TENM3: variants seen among roughly 807,000 people sequenced by gnomAD.
TENM3 encodes the protein teneurin transmembrane protein 3.
In TENM3, 63 loss-of-function variants were observed where a neutral mutation model predicts 255.1. The ratio of observed to expected loss-of-function variants is 0.25; its 90% CI spans 0.20 to 0.30. The LOEUF (loss-of-function observed/expected upper bound fraction) is 0.30. TENM3 is among the 10% of genes least tolerant of loss of function. The pLI is 1.00. For synonymous variants in TENM3, 1,306 were observed against 1,322.3 expected, an observed-to-expected ratio of 0.99 and a Z score of 0.27; for missense variants, 2,929 against 3,461.1, an observed-to-expected ratio of 0.85 and a Z score of 3.86.
chr4:181,593,093 G>A, the TENM3 span, among the ~76,000 whole-genome samples: 2 of 152,266 alleles, frequency 1.3e-5, no homozygotes, highest in East Asian at 1.9e-4. Flanking sequence ...TCTTCCATCA[G>A]TTGGCTTTCA....
chr4:182,291,358 A>G (rs1761111702), intron 1 of TENM3, among the ~76,000 whole-genome samples: 1 of 152,202 alleles, frequency 6.6e-6, no homozygotes, highest in Non-Finnish European at 1.5e-5. Flanking sequence ...GCCAGGAGAC[A>G]AAGCATGAAA....
At chr4:181,962,643 G>A in the TENM3 span, among the ~76,000 whole-genome samples, 11 of 152,278 alleles carry the variant, frequency 7.2e-5, no homozygotes, top group East Asian at 7.7e-4. Flanking sequence ...GTTACATGGC[G>A]TGATGATCAC....
chr4:182,163,639 G>A (rs529270850), intron 1 of TENM3, among the ~76,000 whole-genome samples: 3 of 152,304 alleles, frequency 2.0e-5, no homozygotes, highest in African/African-American at 7.2e-5. Context: ...GGTTCTAGGA[G>A]TAGGAAGGAA....
chr4:182,561,045 T>A (rs934975258), intron 3 of TENM3, among the ~76,000 whole-genome samples: 3 of 152,074 alleles, frequency 2.0e-5, no homozygotes, highest in African/African-American at 7.2e-5. Context: ...TTCCAACGGG[T>A]CTTAAATTCT....
chr4:182,076,237 A>G, the TENM3 span, among the ~76,000 whole-genome samples: 2 of 114,596 alleles, frequency 1.7e-5, no homozygotes, highest in African/African-American at 3.3e-5. Context: ...TTTTTTTGAG[A>G]CAGAGTCTTG....
the TENM3 span, among the ~76,000 whole-genome samples, chr4:181,873,360 C>T: frequency 6.6e-5 from 10 of 152,264 alleles, no homozygotes; most frequent in East Asian, 1.9e-4. Flanking sequence ...TGAGCCACCA[C>T]GCCCGGCCTA....
intron 3 of TENM3, among the ~76,000 whole-genome samples, chr4:182,529,649 C>T (rs115265327): frequency 6.6e-6 from 1 of 152,158 alleles, no homozygotes; most frequent in Non-Finnish European, 1.5e-5. Context: ...CCAGGGAGCA[C>T]TCCTTTTTCC....
At chr4:181,831,670 C>T in the TENM3 span, among the ~76,000 whole-genome samples, 1 of 152,028 alleles carries the variant, frequency 6.6e-6, no homozygotes, top group Non-Finnish European at 1.5e-5. Flanking sequence ...ATTTCAGAAA[C>T]ATCAATCACA....
Position 182,563,376 on chromosome 4 carries a change from G to C in TENM3, c.512-37548G>C, listed in dbSNP as rs149460274. On this transcript the variant is annotated intron_variant, in intron 3 of 27. Transcript: ENST00000511685. ...AGAAACCTGGAAGGTGGAGGTTGCA[G>C]TGAGCTGAGATCATGCCACGGCACT... is the stretch of plus-strand genomic sequence containing the variant. Among the ~76,000 whole-genome samples, 800 of 152,266 alleles carry C rather than the reference G, an allele frequency of 5.3e-3. 6 individuals are homozygous for C. The highest frequency in any genetic ancestry group is 0.019 in the African/African-American group (770 of 41,556).
the TENM3 span, among the ~76,000 whole-genome samples, chr4:182,132,857 G>C: frequency 6.6e-6 from 1 of 152,028 alleles, no homozygotes; most frequent in Non-Finnish European, 1.5e-5. Flanking sequence ...AATTAATCCT[G>C]GCTCTTCTAC....
At chr4:181,606,722 C>G in the TENM3 span, among the ~76,000 whole-genome samples, 1 of 151,926 alleles carries the variant, frequency 6.6e-6, no homozygotes, top group South Asian at 2.1e-4. Flanking sequence ...TATGTGGTCT[C>G]CTCTTAGCAA....
the TENM3 span, among the ~76,000 whole-genome samples, chr4:181,573,121 G>A: frequency 0.35 from 52,403 of 151,856 alleles, 9,090 homozygotes; most frequent in Middle Eastern, 0.41. Context: ...TAAGTACCAC[G>A]TTTTTTTATC....
the TENM3 span, among the ~76,000 whole-genome samples, chr4:181,464,211 T>C: frequency 2.6e-5 from 4 of 152,312 alleles, no homozygotes; most frequent in Non-Finnish European, 1.5e-5. Context: ...TTGCTTACCA[T>C]TTTGAAAATA....
chr4:181,733,991 A>G, the TENM3 span, among the ~76,000 whole-genome samples: 7 of 152,214 alleles, frequency 4.6e-5, no homozygotes, highest in Non-Finnish European at 1.0e-4. Context: ...CCCAGCAGGC[A>G]TATTCATCCA....
intron 1 of TENM3, among the ~76,000 whole-genome samples, chr4:182,164,513 G>T (rs936562784): frequency 1.3e-5 from 2 of 152,158 alleles, no homozygotes; most frequent in Admixed American, 6.5e-5. Context: ...TTGACATTCT[G>T]TGGAGCTCCT....
At chr4:181,590,915 A>G in the TENM3 span, among the ~76,000 whole-genome samples, 1 of 152,236 alleles carries the variant, frequency 6.6e-6, no homozygotes, top group African/African-American at 2.4e-5. Context: ...TATGATAGGA[A>G]TACACTATTG....
chr4:182,238,193 T>C (rs571631778), intron 1 of TENM3, among the ~76,000 whole-genome samples: 25 of 152,268 alleles, frequency 1.6e-4, no homozygotes, highest in African/African-American at 6.0e-4. Flanking sequence ...CCTCAGGATA[T>C]GTGAGTCTGG....
At chr4:182,146,767 T>C (rs1691312993) in intron 1 of TENM3, among the ~76,000 whole-genome samples, 1 of 152,226 alleles carries the variant, frequency 6.6e-6, no homozygotes, top group Admixed American at 6.5e-5. Flanking sequence ...AATAGCTTTA[T>C]GTTAGCAACC....
intron 1 of TENM3, among the ~76,000 whole-genome samples, chr4:182,244,022 C>T (rs532199368): frequency 2.1e-5 from 3 of 142,230 alleles, no homozygotes; most frequent in Non-Finnish European, 4.5e-5. Context: ...GGCGTGACCT[C>T]GGCTCACTGC....
Sources: allele counts gnomAD v4.1 joint callset (sites outside exome capture counted in the v4.1 genomes callset), GRCh38; gene constraint gnomAD v4.1.1; transcripts MANE v1.5; gene names NCBI Gene and HGNC (gene_info 2026-07-23, HGNC 2026-07-21).